Variants in PEAK1 observed in about 807,000 individuals in gnomAD.
PEAK1 encodes the protein inactive tyrosine-protein kinase PEAK1.
PEAK1 carries 54 observed loss-of-function variants against 124.7 expected under a neutral mutation model. That is an observed-to-expected ratio of 0.43 (90% CI 0.35 to 0.54). The LOEUF (loss-of-function observed/expected upper bound fraction) is 0.54, where lower values mean the gene tolerates loss of function less well. Among genes scored for constraint, PEAK1 ranks in the 20% least tolerant of loss-of-function variants. PEAK1 has a pLI of 0.01. For synonymous variants in PEAK1, 719 were observed against 760.0 expected, an observed-to-expected ratio of 0.95 and a Z score of 0.89; for missense variants, 2,046 against 2,134.5, an observed-to-expected ratio of 0.96 and a Z score of 0.82.
rs1371676933 is a variant in PEAK1, at chr15:77,182,027, T to C, written c.-101A>G. On this transcript the variant is annotated 5_prime_UTR_variant, in exon 7 of 10. Coordinates refer to ENST00000682557, the MANE Select transcript of PEAK1 (RefSeq NM_001385026.1). ...CCCCTATGTGTTACAGCAGCTCTTC[T>C]AAGAATGATCAATCTGTGGAGGGGA... 2.0e-6 allele frequency: 3 copies of C among 1,464,082 alleles called. No individual in the cohort carries two copies. The highest frequency in any genetic ancestry group is 2.3e-5 in the East Asian group (1 of 42,644). The allele number at this position is 1,464,082 out of a possible 1,614,324, so 90.7% of individuals were successfully genotyped here.
chr15:77,140,804 G>A (rs1161287020), intron 8 of PEAK1, among the ~76,000 whole-genome samples: 2 of 149,496 alleles, frequency 1.3e-5, no homozygotes, highest in Non-Finnish European at 1.5e-5. Context: ...GCACAATCTC[G>A]GCTCACTGCA....
intron 2 of PEAK1, chr15:77,351,590 C>T (rs970992929): frequency 6.0e-6 from 3 of 497,404 alleles, no homozygotes; most frequent in Admixed American, 1.3e-4. Flanking sequence ...CCTTTGAGCC[C>T]GTATGCTCAG....
At chr15:77,308,822 G>GCTTC (rs1465901396) in intron 2 of PEAK1, among the ~76,000 whole-genome samples, 2 of 151,952 alleles carry the variant, frequency 1.3e-5, no homozygotes, top group African/African-American at 2.4e-5. Flanking sequence ...TACAATGAGG[G>GCTTC]AGAAGAAAAA....
chr15:77,213,498 G>T (rs1358482352), intron 6 of PEAK1, among the ~76,000 whole-genome samples: 2 of 152,098 alleles, frequency 1.3e-5, no homozygotes, highest in Non-Finnish European at 2.9e-5. Flanking sequence ...AGACCAGCCT[G>T]GCCAAGATGG....
At chr15:77,150,398 G>T (rs1433033248) in intron 8 of PEAK1, among the ~76,000 whole-genome samples, 6 of 152,026 alleles carry the variant, frequency 3.9e-5, no homozygotes, top group African/African-American at 1.5e-4. Flanking sequence ...TGGTTGTGAG[G>T]ATTAAATGAG....
intron 8 of PEAK1, among the ~76,000 whole-genome samples, chr15:77,137,052 AG>A (rs1479944252): frequency 6.6e-6 from 1 of 152,246 alleles, no homozygotes; most frequent in African/African-American, 2.4e-5. Context: ...AGAGGGTGCA[AG>A]CCCCAAGCCT....
At chr15:77,313,217 G>A (rs760308494) in intron 2 of PEAK1, among the ~76,000 whole-genome samples, 8 of 152,076 alleles carry the variant, frequency 5.3e-5, no homozygotes, top group East Asian at 3.8e-4. Context: ...TCAAAGGGGC[G>A]CAGGAGGCAA....
At chr15:77,338,914 G>A (rs971221536) in intron 2 of PEAK1, among the ~76,000 whole-genome samples, 3 of 151,874 alleles carry the variant, frequency 2.0e-5, no homozygotes, top group African/African-American at 7.2e-5. Context: ...TAGTAAAAAA[G>A]TGTCTAAATC....
chr15:77,250,287 C>A (rs1333338025), intron 6 of PEAK1, among the ~76,000 whole-genome samples: 2 of 147,860 alleles, frequency 1.4e-5, no homozygotes, highest in Non-Finnish European at 3.0e-5. Context: ...CACTCCGTCA[C>A]CCAGGCTGGA....
chr15:77,231,351 A>C (rs2059903281), intron 6 of PEAK1, among the ~76,000 whole-genome samples: 1 of 152,188 alleles, frequency 6.6e-6, no homozygotes, highest in South Asian at 2.1e-4. Flanking sequence ...ATAAAAAAGG[A>C]ATCTCTACTG....
intron 6 of PEAK1, chr15:77,204,495 G>A: frequency 6.5e-6 from 1 of 153,182 alleles, no homozygotes; most frequent in Non-Finnish European, 1.5e-5. Flanking sequence ...CAGTGTCCAG[G>A]CAGCCCAGCT....
chr15:77,356,833 A>G (rs1334374978), intron 2 of PEAK1, among the ~76,000 whole-genome samples: 1 of 152,270 alleles, frequency 6.6e-6, no homozygotes, highest in African/African-American at 2.4e-5. Flanking sequence ...GACTTTTACA[A>G]GAGTAAAGAT....
At chr15:77,127,440 T>C (rs1416227732) in intron 9 of PEAK1, among the ~76,000 whole-genome samples, 1 of 152,110 alleles carries the variant, frequency 6.6e-6, no homozygotes. Context: ...TTGAGATGCA[T>C]GTGAGGAAAA....
intron 2 of PEAK1, chr15:77,347,720 T>G: frequency 1.0e-6 from 1 of 973,408 alleles, no homozygotes; most frequent in Non-Finnish European, 1.2e-6. Flanking sequence ...TTTCCATGTT[T>G]AAAACTCTTC....
chr15:77,154,173 A>G lies in PEAK1; in HGVS notation c.3331+4330T>C, dbSNP rs935039076. On this transcript the variant is annotated intron_variant, in intron 8 of 9. Coordinates refer to ENST00000682557, the MANE Select transcript of PEAK1 (RefSeq NM_001385026.1). ...GCTTTATGAATCTGGGTGCTCCTGT[A>G]TTGGGTGCATATATATTTAGGATAG... Among the ~76,000 whole-genome samples, 2 of 152,136 alleles carry G rather than the reference A, an allele frequency of 1.3e-5. 1 individual carries two copies. The highest frequency in any genetic ancestry group is 2.9e-5 in the Non-Finnish European group (2 of 68,034).
chr15:77,334,301 G>A (rs577194613), intron 2 of PEAK1: 1 of 985,198 alleles, frequency 1.0e-6, no homozygotes, highest in South Asian at 4.7e-5. Flanking sequence ...TAGTAATGCT[G>A]TCTTCTCTTT....
chr15:77,137,903 G>A (rs2053468121), intron 8 of PEAK1, among the ~76,000 whole-genome samples: 2 of 152,164 alleles, frequency 1.3e-5, no homozygotes, highest in South Asian at 2.1e-4. Context: ...TGTTGTGGGA[G>A]GGACCTGGTG....
intron 5 of PEAK1, chr15:77,278,834 T>G (rs1202157724): frequency 4.6e-5 from 7 of 152,674 alleles, no homozygotes; most frequent in East Asian, 1.3e-4. Context: ...TTTTGTGGGT[T>G]TTTTTTTTTT....
chr15:77,294,233 A>T (rs11072649), intron 2 of PEAK1, among the ~76,000 whole-genome samples: 1 of 152,174 alleles, frequency 6.6e-6, no homozygotes, highest in Non-Finnish European at 1.5e-5. Flanking sequence ...TAGAACACAC[A>T]GGTACTTTGT....
Sources: allele counts gnomAD v4.1 joint callset (sites outside exome capture counted in the v4.1 genomes callset), GRCh38; gene constraint gnomAD v4.1.1; transcripts MANE v1.5; gene names NCBI Gene and HGNC (gene_info 2026-07-23, HGNC 2026-07-21).